The following EIF3A variants were observed in gnomAD, a reference collection of about 807,000 sequenced individuals.
EIF3A encodes the protein EIF3, p180 subunit.
Under a neutral mutation model 186.6 loss-of-function variants are expected in EIF3A, and 21 were observed. That is an observed-to-expected ratio of 0.11 (90% CI 0.08 to 0.16). EIF3A has a LOEUF of 0.16. Ranked by LOEUF, EIF3A falls within the 10% of genes least tolerant of loss-of-function variation. The pLI, the probability that EIF3A is intolerant of heterozygous loss-of-function variation, is 1.00. For synonymous variants in EIF3A, 563 were observed against 584.3 expected (o/e 0.96, Z 0.52); for missense variants, 1,306 against 1,796.3 (o/e 0.73, Z 4.93).
chr10:119,071,906 T>C (rs1369264036), intron 4 of EIF3A, among the ~76,000 whole-genome samples: 1 of 150,506 alleles, frequency 6.6e-6, no homozygotes, highest in Non-Finnish European at 1.5e-5. Flanking sequence ...GCGCCTGTAG[T>C]CCCAGCTGTT....
chr10:119,053,597 T>C (rs1311556195), intron 14 of EIF3A, among the ~76,000 whole-genome samples: 1 of 146,486 alleles, frequency 6.8e-6, no homozygotes, highest in Non-Finnish European at 1.5e-5. Context: ...TGGTGGTGCA[T>C]GCCTGTGGTC....
intron 1 of EIF3A, chr10:119,080,255 C>A (rs530577016): frequency 1.0e-6 from 1 of 955,616 alleles, no homozygotes; most frequent in East Asian, 1.2e-4. Flanking sequence ...AGATGGCGGC[C>A]GGGGACGCGG....
intron 21 of EIF3A, 57 bp downstream of exon 21, chr10:119,037,062 C>T (rs948744028): frequency 1.6e-4 from 36 of 226,018 alleles, no homozygotes; most frequent in African/African-American, 6.2e-4. Context: ...AACCCAAATC[C>T]CCCCCCCCCC....
intron 19 of EIF3A, among the ~76,000 whole-genome samples, chr10:119,040,049 A>C (rs758441028): frequency 6.6e-5 from 10 of 152,256 alleles, no homozygotes; most frequent in Non-Finnish European, 1.5e-4. Flanking sequence ...TAAATGTCTT[A>C]CACAAGGTAA....
At chr10:119,060,205 G>A in intron 9 of EIF3A, 1 of 491,502 alleles carries the variant, frequency 2.0e-6, no homozygotes, top group Non-Finnish European at 3.9e-6. Flanking sequence ...AAACAAAATG[G>A]GAGCACTTAC....
In EIF3A at chr10:119,070,872, T is replaced by C. The variant is rs1844060469; in HGVS notation, c.741+14A>G. Reference sequence around the variant, plus strand: ...TATTATTTCTAGGAAGAAAAGCTAATAGCTCCAACATACCTGCCACAATTC... The same window carrying C: ...TATTATTTCTAGGAAGAAAAGCTAACAGCTCCAACATACCTGCCACAATTC... On this transcript the variant is annotated intron_variant, in intron 5 of 21. Transcript: ENST00000369144. 2 of 1,593,932 alleles carry C rather than the reference T, an allele frequency of 1.3e-6. No individual in the cohort carries two copies. The highest frequency in any genetic ancestry group is 8.6e-7 in the Non-Finnish European group (1 of 1,161,708).
rs149409844 is a variant in EIF3A at position 119,061,235 on chromosome 10, G to T, written c.1216C>A (p.Arg406=). 5.1e-4 allele frequency: 790 copies of T among 1,552,940 alleles called. 3 individuals are homozygous for T. The African/African-American group carries it at 9.1e-3, about 18-fold the overall frequency. ...VEFNPLKLCE[R]VTKVLNWVRE... ...ATACAAAGGCTTACCTTTGTGACTC[G>T]CTCACAGAGTTTTAATGGGTTAAAT... The change falls in exon 8 of 22, where the codon CGA becomes AGA. Residue 406 remains arginine, a synonymous_variant. Coordinates refer to ENST00000369144, the MANE Select transcript of EIF3A (RefSeq NM_003750.4).
chr10:119,075,434 A>T (rs906386628), intron 1 of EIF3A, among the ~76,000 whole-genome samples: 6 of 151,722 alleles, frequency 4.0e-5, no homozygotes, highest in Non-Finnish European at 7.4e-5. Flanking sequence ...TTTATCTTAA[A>T]TTTCCTCATC....
At chr10:119,068,971 CAAAAAAAAA>C (rs59413780) in intron 6 of EIF3A, among the ~76,000 whole-genome samples, 6 of 99,010 alleles carry the variant, frequency 6.1e-5, no homozygotes, top group East Asian at 2.3e-4. Context: ...CTCTGTCTTG[CAAAAAAAAA>C]AAAAAAAAAA....
intron 9 of EIF3A, chr10:119,060,074 A>T (rs1309527068): frequency 1.5e-5 from 8 of 516,352 alleles, no homozygotes; most frequent in Non-Finnish European, 2.7e-5. Context: ...GCCTTCAATT[A>T]TTTGTATAGC....
At chr10:119,049,091 C>A (rs571114799) in intron 17 of EIF3A, among the ~76,000 whole-genome samples, 1 of 152,290 alleles carries the variant, frequency 6.6e-6, no homozygotes, top group East Asian at 1.9e-4. Context: ...AAAATTCCAT[C>A]TTTGCTAAGA....
At chr10:119,060,932 A>G in intron 8 of EIF3A, 88 bp from the exon 9 acceptor site, 2 of 877,800 alleles carry the variant, frequency 2.3e-6, no homozygotes, top group Middle Eastern at 4.7e-4. Flanking sequence ...TTAATATACA[A>G]AAACATCATC....
In EIF3A at chr10:119,080,815, A is replaced by AGGAAGGAGCG. The variant is rs1844254516; in HGVS notation, c.-140_-139insCGCTCCTTCC. The AGGAAGGAGCG allele has an allele frequency of 7.1e-7, 1 of 1,417,336 alleles. No homozygotes were observed. 87.8% of individuals were successfully genotyped at this position (1,417,336 alleles called of 1,614,324 possible). ...CGCGCCCAGCCGGCCAGAGACGGAAAGGAAGGAGCCACGTGACCTCCCCGC... is the reference window on the plus strand; with the variant it reads ...CGCGCCCAGCCGGCCAGAGACGGAAAGGAAGGAGCGGGAAGGAGCCACGTGACCTCCCCGC... On this transcript the variant is annotated 5_prime_UTR_variant, in exon 1 of 22. Coordinates refer to ENST00000369144, the MANE Select transcript of EIF3A (RefSeq NM_003750.4).
intron 17 of EIF3A, among the ~76,000 whole-genome samples, chr10:119,047,051 A>T (rs950940792): frequency 2.0e-5 from 3 of 152,172 alleles, no homozygotes; most frequent in Non-Finnish European, 4.4e-5. Context: ...GTGGACCACG[A>T]GGTCAGGAGT....
At position 119,073,734 on chromosome 10, in the gene EIF3A, G is replaced by A; in HGVS notation, c.240+13C>T. The A allele has an allele frequency of 6.3e-7, 1 of 1,586,850 alleles. No homozygotes were observed. The highest frequency in any genetic ancestry group is 8.6e-7 in the Non-Finnish European group (1 of 1,167,268). On this transcript the variant is annotated intron_variant, in intron 2 of 21. Coordinates refer to ENST00000369144, the MANE Select transcript of EIF3A (RefSeq NM_003750.4). ...ACACTTGTTAAAAATATACAACCCA[G>A]TTCCGTTTGTACCTGTTGACAAATG...
Position 119,059,413 on chromosome 10 carries a change from T to C in EIF3A, c.1444-16A>G. 1 of 1,518,970 alleles carries C rather than the reference T, an allele frequency of 6.6e-7. No homozygotes were observed. Among genetic ancestry groups the C allele is most frequent in the South Asian group, 1.3e-5 (1 of 79,322 alleles). The allele number at this position is 1,518,970 out of a possible 1,614,324, so 94.1% of individuals were successfully genotyped here. On this transcript the variant is annotated splice_polypyrimidine_tract_variant and intron_variant, in intron 10 of 21. Coordinates refer to ENST00000369144, the MANE Select transcript of EIF3A (RefSeq NM_003750.4). ...CAATACGAACCTTTGAAAATTAAAT[T>C]ATCAATGGTTAAATCCACAAGTAAG...
In EIF3A at chr10:119,070,827, G is replaced by T. The variant is rs1844059887; in HGVS notation, c.741+59C>A. The T allele has an allele frequency of 3.3e-6, 4 of 1,204,818 alleles. No homozygotes were observed. In the African/African-American group the frequency reaches 4.5e-5, roughly 13 times the overall value. The allele number at this position is 1,204,818 out of a possible 1,614,324, so 74.6% of individuals were successfully genotyped here. On this transcript the variant is annotated intron_variant, in intron 5 of 21. Transcript: ENST00000369144. ...CCAAGATGAAGCTATTCATTAAGGG[G>T]GGAGAAAAGTAACACAGACTATTAT...
At chr10:119,077,775 G>C (rs998295986) in intron 1 of EIF3A, among the ~76,000 whole-genome samples, 11 of 151,942 alleles carry the variant, frequency 7.2e-5, no homozygotes, top group Non-Finnish European at 1.5e-4. Flanking sequence ...GGATGGTCTT[G>C]ATCTCCTGAC....
intron 1 of EIF3A, among the ~76,000 whole-genome samples, chr10:119,077,976 T>C (rs1271466756): frequency 2.6e-5 from 4 of 152,200 alleles, no homozygotes; most frequent in Non-Finnish European, 5.9e-5. Context: ...GAAATAAAAA[T>C]TAAAATCTAG....
Sources: allele counts gnomAD v4.1 joint callset (sites outside exome capture counted in the v4.1 genomes callset), GRCh38; gene constraint gnomAD v4.1.1; transcripts MANE v1.5; gene names NCBI Gene and HGNC (gene_info 2026-07-23, HGNC 2026-07-21).